TMEM132D: variants seen among roughly 807,000 people sequenced by gnomAD.
TMEM132D encodes mature OL transmembrane protein.
Under a neutral mutation model 62.3 loss-of-function variants are expected in TMEM132D, and 21 were observed. That is an observed-to-expected ratio of 0.34 (90% CI 0.24 to 0.49). The LOEUF is 0.49. Ranked by LOEUF, TMEM132D falls within the 20% of genes least tolerant of loss-of-function variation. The probability of loss-of-function intolerance (pLI) is 0.99; values close to 1 mark genes in which losing one functional copy is unlikely to be tolerated. For synonymous variants in TMEM132D, 621 were observed against 575.6 expected, an observed-to-expected ratio of 1.08 and a Z score of -1.13; for missense variants, 1,346 against 1,402.8, an observed-to-expected ratio of 0.96 and a Z score of 0.65.
At chr12:129,386,732 G>A (rs559591514) in intron 3 of TMEM132D, among the ~76,000 whole-genome samples, 1,115 of 108,602 alleles carry the variant, frequency 0.01, 7 homozygotes, top group Non-Finnish European at 0.012. Flanking sequence ...CAACACCAAC[G>A]CCACCAATGC....
intron 2 of TMEM132D, among the ~76,000 whole-genome samples, chr12:129,665,290 A>G (rs1880349977): frequency 6.6e-6 from 1 of 152,152 alleles, no homozygotes; most frequent in South Asian, 2.1e-4. Flanking sequence ...GCTAATTAGA[A>G]AACAAAGAAC....
chr12:129,384,578 G>A (rs866536969), intron 3 of TMEM132D, among the ~76,000 whole-genome samples: 6 of 151,566 alleles, frequency 4.0e-5, no homozygotes, highest in African/African-American at 7.3e-5. Context: ...AACCACGTTC[G>A]CATTATTTTA....
At position 129,399,843 on chromosome 12, in the gene TMEM132D, G is replaced by A. The variant is rs558168381; in HGVS notation, c.1116-62026C>T. 2.4e-4 allele frequency among the ~76,000 whole-genome samples: 36 copies of A among 151,994 alleles called. 2 individuals are homozygous for A. The South Asian group carries it at 7.5e-3, about 32-fold the overall frequency. The stretch of plus-strand genomic sequence containing the variant: ...CTCAAAGGAACAAATATACACTGAT[G>A]AACAGGGAAAGCAGTTTGGAAAGAG... On this transcript the variant is annotated intron_variant, in intron 3 of 8. Coordinates refer to ENST00000422113, the MANE Select transcript of TMEM132D (RefSeq NM_133448.3).
At chr12:129,786,758 G>A (rs576396772) in intron 1 of TMEM132D, among the ~76,000 whole-genome samples, 3 of 152,320 alleles carry the variant, frequency 2.0e-5, no homozygotes, top group Admixed American at 6.5e-5. Context: ...GAGCTTGGTG[G>A]TACATGCCTA....
chr12:129,115,061 G>A (rs1213083296), intron 5 of TMEM132D, among the ~76,000 whole-genome samples: 2 of 152,138 alleles, frequency 1.3e-5, no homozygotes, highest in Non-Finnish European at 2.9e-5. Context: ...GGGTCACAGA[G>A]CTCGTATACA....
chr12:129,815,059 G>A (rs1392026303), intron 1 of TMEM132D, among the ~76,000 whole-genome samples: 3 of 152,138 alleles, frequency 2.0e-5, no homozygotes, highest in Non-Finnish European at 4.4e-5. Flanking sequence ...CCTGAGATTG[G>A]AGCCTTTTCC....
chr12:129,308,766 A>C (rs1881901783), intron 4 of TMEM132D, among the ~76,000 whole-genome samples: 1 of 152,216 alleles, frequency 6.6e-6, no homozygotes, highest in Non-Finnish European at 1.5e-5. Flanking sequence ...TAATTCAGCC[A>C]ATTTTGGGGC....
chr12:129,228,726 AAGGCACAC>A (rs1296653583), intron 4 of TMEM132D, among the ~76,000 whole-genome samples: 1 of 152,268 alleles, frequency 6.6e-6, no homozygotes, highest in Admixed American at 6.5e-5. Context: ...AATACTCCTC[AAGGCACAC>A]AGGTTTAATG....
intron 2 of TMEM132D, among the ~76,000 whole-genome samples, chr12:129,653,839 G>T (rs1232326124): frequency 2.6e-5 from 4 of 152,172 alleles, no homozygotes; most frequent in African/African-American, 9.7e-5. Context: ...ACCCAATAGT[G>T]GGAAGTGATT....
chr12:129,655,650 A>T (rs1036382830), intron 2 of TMEM132D, among the ~76,000 whole-genome samples: 2 of 151,934 alleles, frequency 1.3e-5, no homozygotes, highest in Non-Finnish European at 2.9e-5. Flanking sequence ...GTGACTCCAC[A>T]AAACCACAAA....
At chr12:129,740,396 G>A (rs2137258924) in intron 1 of TMEM132D, among the ~76,000 whole-genome samples, 1 of 152,208 alleles carries the variant, frequency 6.6e-6, no homozygotes, top group African/African-American at 2.4e-5. Flanking sequence ...TACTGTTGCT[G>A]GGCCCTATAA....
chr12:129,150,106 A>T (rs1374225345), intron 5 of TMEM132D, among the ~76,000 whole-genome samples: 1 of 152,250 alleles, frequency 6.6e-6, no homozygotes, highest in Non-Finnish European at 1.5e-5. Context: ...AGAGGACAGC[A>T]CAGGCCAGGG....
intron 2 of TMEM132D, among the ~76,000 whole-genome samples, chr12:129,638,046 C>T (rs1450983906): frequency 6.6e-6 from 1 of 152,188 alleles, no homozygotes. Context: ...TCACTCAATA[C>T]TCACTCCCTG....
intron 1 of TMEM132D, among the ~76,000 whole-genome samples, chr12:129,792,484 G>T (rs1393040537): frequency 6.6e-6 from 1 of 152,142 alleles, no homozygotes; most frequent in Non-Finnish European, 1.5e-5. Context: ...TTATTCCATG[G>T]ATTGTCTCAT....
intron 3 of TMEM132D, among the ~76,000 whole-genome samples, chr12:129,388,870 GATA>G (rs1301002246): frequency 2.9e-5 from 2 of 67,934 alleles, no homozygotes; most frequent in Non-Finnish European, 7.0e-5. Context: ...CAGCACTGAT[GATA>G]ATATTAACAC....
At chr12:129,331,662 G>C (rs1279421228) in intron 4 of TMEM132D, among the ~76,000 whole-genome samples, 1 of 152,180 alleles carries the variant, frequency 6.6e-6, no homozygotes, top group Non-Finnish European at 1.5e-5. Context: ...GAAGAAAAGA[G>C]TTTGTTTTAT....
intron 4 of TMEM132D, among the ~76,000 whole-genome samples, chr12:129,250,188 C>T (rs928222013): frequency 1.1e-4 from 17 of 152,114 alleles, no homozygotes; most frequent in African/African-American, 2.7e-4. Context: ...TCCTCCTGCC[C>T]TCACACCTCC....
intron 4 of TMEM132D, among the ~76,000 whole-genome samples, chr12:129,252,543 C>T (rs915043178): frequency 6.6e-6 from 1 of 152,126 alleles, no homozygotes; most frequent in African/African-American, 2.4e-5. Flanking sequence ...CAGGAAACAA[C>T]AGGTGCTGAG....
At chr12:129,833,785 G>A (rs954565216) in intron 1 of TMEM132D, among the ~76,000 whole-genome samples, 1 of 152,164 alleles carries the variant, frequency 6.6e-6, no homozygotes, top group African/African-American at 2.4e-5. Flanking sequence ...TCTGCCCATG[G>A]GCAAGGCATT....
Sources: allele counts gnomAD v4.1 joint callset (sites outside exome capture counted in the v4.1 genomes callset), GRCh38; gene constraint gnomAD v4.1.1; transcripts MANE v1.5; gene names NCBI Gene and HGNC (gene_info 2026-07-23, HGNC 2026-07-21).